The following ERBB4 variants were observed in gnomAD, a reference collection of about 807,000 sequenced individuals.
ERBB4 encodes erb-b2 receptor tyrosine kinase 4.
Under a neutral mutation model 158.0 loss-of-function variants are expected in ERBB4, and 42 were observed. The observed-to-expected ratio is 0.27, with a 90% CI of 0.21 to 0.34. The LOEUF is 0.34. ERBB4 is among the 10% of genes least tolerant of loss of function. ERBB4 has a pLI of 1.00. For synonymous variants in ERBB4, 583 were observed against 558.7 expected (o/e 1.04, Z -0.61); for missense variants, 1,333 against 1,624.1 (o/e 0.82, Z 3.08).
At chr2:211,495,168 G>C (rs2065439208) in intron 20 of ERBB4, among the ~76,000 whole-genome samples, 1 of 151,984 alleles carries the variant, frequency 6.6e-6, no homozygotes, top group Non-Finnish European at 1.5e-5. Flanking sequence ...AGTAAGAAGA[G>C]CTATGAAATC....
At chr2:212,269,702 T>C (rs1412922103) in intron 1 of ERBB4, among the ~76,000 whole-genome samples, 3 of 151,804 alleles carry the variant, frequency 2.0e-5, no homozygotes, top group African/African-American at 2.4e-5. Flanking sequence ...GAGTCAAGAA[T>C]TGTAATACTC....
intron 3 of ERBB4, among the ~76,000 whole-genome samples, chr2:211,813,552 C>T (rs574846546): frequency 4.6e-5 from 7 of 152,202 alleles, no homozygotes; most frequent in African/African-American, 1.7e-4. Flanking sequence ...ATTTTCTATC[C>T]CGTTTATCTT....
chr2:211,416,813 CTTT>C (rs60021795), intron 25 of ERBB4, among the ~76,000 whole-genome samples: 57 of 142,048 alleles, frequency 4.0e-4, no homozygotes, highest in Non-Finnish European at 4.3e-4. Context: ...GAAGCCTTCC[CTTT>C]TTTTTTTTTT....
intron 25 of ERBB4, among the ~76,000 whole-genome samples, chr2:211,400,564 C>A (rs1423472612): frequency 6.6e-6 from 1 of 151,438 alleles, no homozygotes; most frequent in African/African-American, 2.4e-5. Flanking sequence ...TCTGTGGGAG[C>A]TAAAAATTAA....
chr2:211,923,440 A>G (rs1434677095), intron 3 of ERBB4, among the ~76,000 whole-genome samples: 1 of 152,184 alleles, frequency 6.6e-6, no homozygotes, highest in Non-Finnish European at 1.5e-5. Flanking sequence ...GAATTTTTCA[A>G]GAAGTTTGGT....
intron 20 of ERBB4, among the ~76,000 whole-genome samples, chr2:211,513,299 C>T (rs1218251149): frequency 2.9e-5 from 4 of 139,268 alleles, no homozygotes; most frequent in Admixed American, 8.2e-5. Context: ...TGCAGTGAGC[C>T]GAGATTGCGC....
chr2:211,852,432 G>C (rs1318994868), intron 3 of ERBB4, among the ~76,000 whole-genome samples: 2 of 151,818 alleles, frequency 1.3e-5, no homozygotes, highest in East Asian at 3.9e-4. Context: ...GAAGGGTTTG[G>C]TAAGTATTAT....
chr2:211,632,434 A>T (rs140532045), intron 16 of ERBB4, among the ~76,000 whole-genome samples: 2 of 152,168 alleles, frequency 1.3e-5, no homozygotes, highest in African/African-American at 2.4e-5. Context: ...TTTTATCGCA[A>T]AATATTTATG....
rs778828258 is a variant in ERBB4, at chr2:211,380,094, G to T, written c.*3521C>A. The T allele has an allele frequency of 2.2e-4, 51 of 231,872 alleles. No homozygotes were observed. The highest frequency in any genetic ancestry group is 3.8e-4 in the Non-Finnish European group (45 of 117,372). The allele number at this position is 231,872 out of a possible 1,614,324, so 14.4% of individuals were successfully genotyped here. ...GTCCTTCTCCCTAATCTACAAAAAA[G>T]AATCACTTGATTTTAGTTTGTGTGT... On this transcript the variant is annotated 3_prime_UTR_variant, in exon 28 of 28. Coordinates refer to ENST00000342788, the MANE Select transcript of ERBB4 (RefSeq NM_005235.3).
At chr2:211,840,881 A>G (rs1348533208) in intron 3 of ERBB4, among the ~76,000 whole-genome samples, 2 of 152,126 alleles carry the variant, frequency 1.3e-5, no homozygotes, top group Admixed American at 6.6e-5. Context: ...TATGCAATTT[A>G]AACTTTGGAG....
chr2:211,943,256 A>G (rs2080556544), intron 3 of ERBB4, among the ~76,000 whole-genome samples: 1 of 152,128 alleles, frequency 6.6e-6, no homozygotes. Context: ...CAGACTAGTG[A>G]CTAAACAAGT....
rs1419777556 is a variant in ERBB4, at chr2:212,293,430, T to C, written c.83-168527A>G. 2.0e-5 allele frequency among the ~76,000 whole-genome samples: 3 copies of C among 152,040 alleles called. No homozygotes were observed. In the East Asian group the frequency reaches 5.8e-4, roughly 29 times the overall value. ...ATAGAAAAATAGCTCCAAATCACCT[T>C]CTAAAAAACTTCATTAAACTGACAC... On this transcript the variant is annotated intron_variant, in intron 1 of 27. Transcript: ENST00000342788.
At chr2:211,919,359 C>G (rs913164084) in intron 3 of ERBB4, among the ~76,000 whole-genome samples, 1 of 151,718 alleles carries the variant, frequency 6.6e-6, no homozygotes, top group Non-Finnish European at 1.5e-5. Context: ...ACACTTTATA[C>G]AAAATTAAAT....
At chr2:211,396,618 G>A (rs1451096406) in intron 25 of ERBB4, among the ~76,000 whole-genome samples, 1 of 152,154 alleles carries the variant, frequency 6.6e-6, no homozygotes, top group Non-Finnish European at 1.5e-5. Context: ...GGAGGATGGA[G>A]AACAAATAAT....
chr2:212,100,703 G>A (rs537205805), intron 2 of ERBB4, among the ~76,000 whole-genome samples: 8 of 152,124 alleles, frequency 5.3e-5, no homozygotes, highest in African/African-American at 1.9e-4. Context: ...TGAAATAAAC[G>A]AAGTGACTAC....
intron 1 of ERBB4, among the ~76,000 whole-genome samples, chr2:212,311,011 C>T (rs1200891674): frequency 6.6e-6 from 1 of 150,750 alleles, no homozygotes; most frequent in African/African-American, 2.4e-5. Context: ...GCACTAGTCA[C>T]ATTTCAAGTG....
At chr2:211,461,725 G>A (rs889086346) in intron 20 of ERBB4, among the ~76,000 whole-genome samples, 2 of 152,014 alleles carry the variant, frequency 1.3e-5, no homozygotes, top group Admixed American at 1.3e-4. Context: ...CTGAACCATT[G>A]AGAAAACAAC....
At chr2:211,829,578 T>C (rs563687873) in intron 3 of ERBB4, among the ~76,000 whole-genome samples, 55 of 152,278 alleles carry the variant, frequency 3.6e-4, no homozygotes, top group African/African-American at 1.3e-3. Context: ...TGCTTCTCAC[T>C]GCTAGGACAT....
At chr2:212,365,387 T>C (rs1000540338) in intron 1 of ERBB4, among the ~76,000 whole-genome samples, 1 of 151,614 alleles carries the variant, frequency 6.6e-6, no homozygotes, top group Non-Finnish European at 1.5e-5. Flanking sequence ...GATGGGAAAA[T>C]ATGAAGCAAG....
Sources: allele counts gnomAD v4.1 joint callset (sites outside exome capture counted in the v4.1 genomes callset), GRCh38; gene constraint gnomAD v4.1.1; transcripts MANE v1.5; gene names NCBI Gene and HGNC (gene_info 2026-07-23, HGNC 2026-07-21).